The following TMEM41B variants were observed in gnomAD, a reference collection of about 807,000 sequenced individuals.
TMEM41B encodes protein stasimon.
In TMEM41B, 18 loss-of-function variants were observed where a neutral mutation model predicts 31.9. The ratio of observed to expected loss-of-function variants is 0.56; its 90% CI spans 0.39 to 0.84. The LOEUF (loss-of-function observed/expected upper bound fraction) is 0.84, where lower values mean the gene tolerates loss of function less well. Ranked by LOEUF, TMEM41B falls within the 40% of genes least tolerant of loss-of-function variation. The pLI is 0.00. For missense variants in TMEM41B, 322 were observed against 348.0 expected (o/e 0.93, Z 0.59); for synonymous variants, 144 against 124.3 (o/e 1.16, Z -1.05).
chr11:9,290,426 G>A (rs4331093), intron 3 of TMEM41B, among the ~76,000 whole-genome samples: 144,254 of 152,200 alleles, frequency 0.95, 68,822 homozygotes, highest in East Asian at 1. Context: ...TCACACATAT[G>A]TAAATGTAGA....
chr11:9,312,932 G>A (rs1002031491), intron 1 of TMEM41B, among the ~76,000 whole-genome samples: 6 of 140,440 alleles, frequency 4.3e-5, no homozygotes, highest in Non-Finnish European at 9.1e-5. Flanking sequence ...AAGAATAATT[G>A]TGTTGAATGT....
rs1852736572 is a variant in TMEM41B at position 9,282,368 on chromosome 11, A to T, written c.*1056T>A. The stretch of plus-strand genomic sequence containing the variant: ...CTCCACTCCAGCCTGGGCAACAGCA[A>T]GACTCCGTCTCAAAAAAAAAAAAAA... On this transcript the variant is annotated 3_prime_UTR_variant, in exon 7 of 7. Coordinates refer to ENST00000528080, the MANE Select transcript of TMEM41B (RefSeq NM_015012.4). 6.6e-6 allele frequency: 1 copy of T among 151,492 alleles called. No homozygotes were observed. Among genetic ancestry groups the T allele is most frequent in the African/African-American group, 2.4e-5 (1 of 41,218 alleles). 9.4% of individuals were successfully genotyped at this position (151,492 alleles called of 1,614,324 possible).
At chr11:9,285,829 A>AC (rs1204697718) in intron 6 of TMEM41B, among the ~76,000 whole-genome samples, 59 of 151,692 alleles carry the variant, frequency 3.9e-4, no homozygotes, top group Admixed American at 5.9e-4. Flanking sequence ...AAAAAAAAAA[A>AC]GAAAGGGCTG....
intron 3 of TMEM41B, among the ~76,000 whole-genome samples, chr11:9,290,463 TG>T (rs1852930523): frequency 1.3e-5 from 2 of 152,094 alleles, no homozygotes; most frequent in Admixed American, 1.3e-4. Flanking sequence ...GACAAGTTGA[TG>T]GGTACAGCAA....
At position 9,314,422 on chromosome 11, in the gene TMEM41B, G is replaced by A. The variant is rs1435276787; in HGVS notation, c.20C>T (p.Ala7Val). 6.4e-7 allele frequency: 1 copy of A among 1,561,104 alleles called. No individual in the cohort carries two copies. Among genetic ancestry groups the A allele is most frequent in the East Asian group, 2.4e-5 (1 of 41,440 alleles). ...GTGAGCGCCCAACTGCGATCGTTCG[G>A]CGACTCTGCCTTTCGCCATGGCTGC... is the stretch of plus-strand genomic sequence containing the variant. MAKGRV[A>V]ERSQLGAHHT... is the part of the protein sequence containing the mutation. Residue 7 changes from alanine (A) to valine (V), a missense_variant, in exon 1 of 7, where the codon GCC (alanine) becomes GTC (valine). Around this residue, in one of 3 missense-constraint regions of TMEM41B, gnomAD observed 183 missense variants for 175.3 expected, o/e 1.04. Transcript: ENST00000528080.
At chr11:9,284,799 C>G (rs533360699) in intron 6 of TMEM41B, among the ~76,000 whole-genome samples, 12 of 151,628 alleles carry the variant, frequency 7.9e-5, no homozygotes, top group African/African-American at 2.9e-4. Context: ...GTGCTCTGTT[C>G]TAGCAATTTC....
At chr11:9,285,374 C>T (rs564549652) in intron 6 of TMEM41B, among the ~76,000 whole-genome samples, 104 of 152,162 alleles carry the variant, frequency 6.8e-4, no homozygotes, top group Admixed American at 1.2e-3. Flanking sequence ...TGAACCACCG[C>T]GCCCGGCTAA....
chr11:9,307,669 C>T (rs1467149040), intron 1 of TMEM41B, among the ~76,000 whole-genome samples: 1 of 151,886 alleles, frequency 6.6e-6, no homozygotes, highest in Non-Finnish European at 1.5e-5. Flanking sequence ...CTCAGACTCC[C>T]GACCTCAGGT....
chr11:9,291,411 A>ATT (rs71062826), intron 3 of TMEM41B, among the ~76,000 whole-genome samples: 3,704 of 150,098 alleles, frequency 0.025, 71 homozygotes, highest in Middle Eastern at 0.075. Context: ...ATAAAAATAA[A>ATT]TTTTTTTTTG....
At chr11:9,292,882 G>A (rs902486193) in intron 3 of TMEM41B, among the ~76,000 whole-genome samples, 5 of 152,078 alleles carry the variant, frequency 3.3e-5, no homozygotes, top group Non-Finnish European at 5.9e-5. Context: ...CACCAACAGT[G>A]CTCAAGAGTT....
chr11:9,283,552 T>C lies in TMEM41B; in HGVS notation c.748A>G (p.Thr250Ala), dbSNP rs1009459963. Residue 250 changes from threonine to alanine, a missense_variant, in exon 7 of 7, where the codon ACA (threonine) becomes GCA (alanine). This residue lies in a region of TMEM41B where 92 missense variants were observed against 88.0 expected (regional missense o/e 1.05). Transcript: ENST00000528080. The stretch of plus-strand genomic sequence containing the variant: ...CCTGCTGTTGTAAGTTGATACAGTG[T>C]TGTTCCTGCCTTAATGGCTACAAAA... ...PSFVAIKAGT[T>A]LYQLTTAGEA... The C allele has an allele frequency of 1.2e-6, 2 of 1,612,340 alleles. No individual in the cohort carries two copies. The highest frequency in any genetic ancestry group is 1.7e-6 in the Non-Finnish European group (2 of 1,179,614).
In TMEM41B at chr11:9,309,240, C is replaced by A. The variant is rs900943990; in HGVS notation, c.121+5081G>T. Among the ~76,000 whole-genome samples, 3 of 108,312 alleles carry A rather than the reference C, an allele frequency of 2.8e-5. 1 individual carries two copies. The highest frequency in any genetic ancestry group is 8.2e-5 in the African/African-American group (3 of 36,504). The allele number at this position is 108,312 out of a possible 152,430, so 71.1% of individuals were successfully genotyped here. ...CAGCCTGGGCAAAAAGAGTGAAACT[C>A]CATTTCAAAAAAAAAGAAAGAAAGA... On this transcript the variant is annotated intron_variant, in intron 1 of 6. Coordinates refer to ENST00000528080, the MANE Select transcript of TMEM41B (RefSeq NM_015012.4).
intron 1 of TMEM41B, among the ~76,000 whole-genome samples, chr11:9,313,261 T>C (rs772733345): frequency 4.2e-5 from 6 of 144,480 alleles, no homozygotes; most frequent in Non-Finnish European, 9.0e-5. Context: ...GCTGGAAAAA[T>C]ACCCAAAAAC....
Position 9,283,343 on chromosome 11 carries a change from G to A in TMEM41B, c.*81C>T. On this transcript the variant is annotated 3_prime_UTR_variant, in exon 7 of 7. Transcript: ENST00000528080. ...AAATTCCTTGTTTAATTACTGAAGAGGTGATTTTAAAACATAAATGGATGC... is the reference window on the plus strand; with the variant it reads ...AAATTCCTTGTTTAATTACTGAAGAAGTGATTTTAAAACATAAATGGATGC... 1 of 1,084,568 alleles carries A rather than the reference G, an allele frequency of 9.2e-7. No individual in the cohort carries two copies. Among genetic ancestry groups the A allele is most frequent in the Non-Finnish European group, 1.3e-6 (1 of 761,066 alleles). 67.2% of individuals were successfully genotyped at this position (1,084,568 alleles called of 1,614,324 possible). A position where few individuals can be genotyped will look rare whatever the true frequency, so the allele number is the denominator to read the frequency against.
intron 2 of TMEM41B, among the ~76,000 whole-genome samples, chr11:9,295,633 C>T (rs556287941): frequency 4.6e-5 from 7 of 152,166 alleles, no homozygotes; most frequent in South Asian, 4.2e-4. Flanking sequence ...CTCCCAGGTA[C>T]AAACGATTCT....
chr11:9,284,469 GA>G (rs1049162027), intron 6 of TMEM41B, among the ~76,000 whole-genome samples: 3 of 149,098 alleles, frequency 2.0e-5, no homozygotes, highest in East Asian at 2.0e-4. Flanking sequence ...AACCTTAAAA[GA>G]AAAAAAAACA....
At chr11:9,306,315 A>G (rs2133644942) in intron 1 of TMEM41B, among the ~76,000 whole-genome samples, 1 of 152,078 alleles carries the variant, frequency 6.6e-6, no homozygotes, top group African/African-American at 2.4e-5. Context: ...AGCTTCCATC[A>G]TACTAATTCC....
intron 6 of TMEM41B, 84 bp from the exon 7 acceptor site, chr11:9,283,677 T>C (rs1852773145): frequency 5.8e-6 from 7 of 1,208,618 alleles, no homozygotes; most frequent in Non-Finnish European, 5.7e-6. Context: ...ATAAAGTTTC[T>C]TAAAACAACA....
At chr11:9,307,770 G>T (rs1056647031) in intron 1 of TMEM41B, among the ~76,000 whole-genome samples, 1 of 150,218 alleles carries the variant, frequency 6.7e-6, no homozygotes, top group Non-Finnish European at 1.5e-5. Context: ...ATTTTATTTC[G>T]AGTCTTGCTC....
Sources: allele counts gnomAD v4.1 joint callset (sites outside exome capture counted in the v4.1 genomes callset), GRCh38; gene constraint gnomAD v4.1.1; regional missense constraint gnomAD v4.1.1; transcripts MANE v1.5; gene names NCBI Gene and HGNC (gene_info 2026-07-23, HGNC 2026-07-21).